TAOK1: variants seen among roughly 807,000 people sequenced by gnomAD.
TAOK1 encodes the protein serine/threonine-protein kinase TAO1.
TAOK1 carries 21 observed loss-of-function variants against 138.3 expected under a neutral mutation model. That is an observed-to-expected ratio of 0.15 (90% confidence interval 0.11 to 0.22). TAOK1 has a LOEUF of 0.22. Among genes scored for constraint, TAOK1 ranks in the 10% least tolerant of loss-of-function variants. The probability of loss-of-function intolerance (pLI) is 1.00; values close to 1 mark genes in which losing one functional copy is unlikely to be tolerated. For synonymous variants in TAOK1, 361 were observed against 398.4 expected, an observed-to-expected ratio of 0.91 and a Z score of 1.12; for missense variants, 651 against 1,227.7, an observed-to-expected ratio of 0.53 and a Z score of 7.02.
intron 16 of TAOK1, 76 bp downstream of exon 16, chr17:29,517,732 G>A: frequency 2.8e-6 from 4 of 1,409,500 alleles, no homozygotes; most frequent in East Asian, 2.3e-5. Context: ...TTCCATTCTA[G>A]TCTCAGGGAC....
At chr17:29,478,230 T>A in intron 5 of TAOK1, 21 bp from the exon 6 acceptor site, 1 of 1,560,830 alleles carries the variant, frequency 6.4e-7, no homozygotes, top group Non-Finnish European at 8.7e-7. Flanking sequence ...GTGTATTAAT[T>A]ATTTTGAAAT....
chr17:29,536,245 G>A (rs893402518), intron 19 of TAOK1, among the ~76,000 whole-genome samples: 1 of 151,688 alleles, frequency 6.6e-6, no homozygotes, highest in African/African-American at 2.4e-5. Flanking sequence ...GTTGCAGTGA[G>A]CCGAGATGGC....
chr17:29,393,341 C>G (rs887936556), intron 1 of TAOK1, among the ~76,000 whole-genome samples: 5 of 151,884 alleles, frequency 3.3e-5, no homozygotes, highest in Non-Finnish European at 5.9e-5. Context: ...TAACTATTTA[C>G]TTGCTATATT....
chr17:29,453,396 C>T (rs1033254755), intron 2 of TAOK1, among the ~76,000 whole-genome samples: 3 of 151,870 alleles, frequency 2.0e-5, no homozygotes, highest in Admixed American at 6.6e-5. Flanking sequence ...CCTATAGGCA[C>T]GTGCTACTAA....
chr17:29,458,490 TTTTTGTTTTG>T (rs1011573180), intron 2 of TAOK1, among the ~76,000 whole-genome samples: 4 of 152,146 alleles, frequency 2.6e-5, no homozygotes, highest in African/African-American at 7.2e-5. Context: ...AATATGGTTT[TTTTTGTTTTG>T]TTTTGTTTTT....
At chr17:29,462,369 A>G (rs986236484) in intron 2 of TAOK1, among the ~76,000 whole-genome samples, 2 of 152,222 alleles carry the variant, frequency 1.3e-5, no homozygotes, top group African/African-American at 2.4e-5. Context: ...AACACCTTAA[A>G]TAGAACCAAT....
At position 29,539,106 on chromosome 17, in the gene TAOK1, A is replaced by G. The variant is rs745601808; in HGVS notation, c.2545-3455A>G. ...AACCCCGTCTCTACAAAAAAAAAAT[A>G]CAAAAATTAGTTGGATATAGTGGTG... On this transcript the variant is annotated intron_variant, in intron 19 of 19. Transcript: ENST00000261716. Among the ~76,000 whole-genome samples, 153 of 152,070 alleles carry G rather than the reference A, an allele frequency of 1.0e-3. 1 individual carries two copies. Among genetic ancestry groups the G allele is most frequent in the Non-Finnish European group, 1.4e-3 (93 of 68,026 alleles).
At chr17:29,461,999 G>GT (rs2030542122) in intron 2 of TAOK1, among the ~76,000 whole-genome samples, 1 of 152,062 alleles carries the variant, frequency 6.6e-6, no homozygotes, top group Non-Finnish European at 1.5e-5. Context: ...ATATTTTGTG[G>GT]TATCAGAGAA....
intron 1 of TAOK1, among the ~76,000 whole-genome samples, chr17:29,417,762 C>T (rs377012691): frequency 2.0e-4 from 31 of 152,188 alleles, no homozygotes; most frequent in Admixed American, 5.2e-4. Flanking sequence ...TGGCACCTGC[C>T]GCCCTTTCCC....
At chr17:29,455,058 A>G (rs1488566345) in intron 2 of TAOK1, among the ~76,000 whole-genome samples, 2 of 151,804 alleles carry the variant, frequency 1.3e-5, no homozygotes, top group Non-Finnish European at 2.9e-5. Flanking sequence ...TTACAGGTAC[A>G]CACCACCACA....
chr17:29,505,269 C>T (rs2153028988), intron 13 of TAOK1, among the ~76,000 whole-genome samples: 1 of 152,112 alleles, frequency 6.6e-6, no homozygotes, highest in African/African-American at 2.4e-5. Context: ...CTTAGGTATT[C>T]AATTTGAAGA....
rs1470718895 is a variant in TAOK1 at position 29,550,799 on chromosome 17, C to T, written c.*7777C>T. On this transcript the variant is annotated 3_prime_UTR_variant, in exon 20 of 20. Transcript: ENST00000261716. ...CCTCAAACAGCATGATTTTTTTGCA[C>T]ATGTAGAAATTTTTTAAAAGAAAGA... 2 of 152,384 alleles carry T rather than the reference C, an allele frequency of 1.3e-5. No individual in the cohort carries two copies. Among genetic ancestry groups the T allele is most frequent in the East Asian group, 1.9e-4 (1 of 5,196 alleles). The allele number at this position is 152,384 out of a possible 1,614,324, so 9.4% of individuals were successfully genotyped here.
chr17:29,463,426 C>G (rs1281151864), intron 2 of TAOK1, among the ~76,000 whole-genome samples: 1 of 152,024 alleles, frequency 6.6e-6, no homozygotes, highest in Non-Finnish European at 1.5e-5. Flanking sequence ...AAAAAATTAG[C>G]CGGGCATGGT....
At chr17:29,407,113 C>G (rs1233768942) in intron 1 of TAOK1, among the ~76,000 whole-genome samples, 1 of 152,056 alleles carries the variant, frequency 6.6e-6, no homozygotes, top group Non-Finnish European at 1.5e-5. Flanking sequence ...CTCCTGGGCT[C>G]AAGTGATCTT....
intron 1 of TAOK1, among the ~76,000 whole-genome samples, chr17:29,447,614 C>T (rs1027731381): frequency 6.6e-6 from 1 of 152,054 alleles, no homozygotes; most frequent in African/African-American, 2.4e-5. Context: ...GTTGGGATTA[C>T]AGGTGCAAGC....
chr17:29,402,089 T>C (rs1286930025), intron 1 of TAOK1, among the ~76,000 whole-genome samples: 7 of 152,194 alleles, frequency 4.6e-5, no homozygotes, highest in African/African-American at 1.4e-4. Context: ...TATTTAGTCG[T>C]TATATTGGGT....
chr17:29,534,928 G>GGTGTGTGT lies in TAOK1; in HGVS notation c.2544+657_2544+664dup, dbSNP rs71138832. Reference sequence around the variant, plus strand: ...AAATTTCCATCCTTCAGGATACTAAGGTGTGTGTGTGTGTGTGTGTGTGTG... The same window carrying GGTGTGTGT: ...AAATTTCCATCCTTCAGGATACTAAGGTGTGTGTGTGTGTGTGTGTGTGTGTGTGTGTG... On this transcript the variant is annotated intron_variant, in intron 19 of 19. Coordinates refer to ENST00000261716, the MANE Select transcript of TAOK1 (RefSeq NM_020791.4). 8.0e-3 allele frequency among the ~76,000 whole-genome samples: 1,172 copies of GGTGTGTGT among 147,314 alleles called. 19 individuals carry two copies. Among genetic ancestry groups the GGTGTGTGT allele is most frequent in the African/African-American group, 0.027 (1,062 of 39,798 alleles).
intron 1 of TAOK1, among the ~76,000 whole-genome samples, chr17:29,396,451 T>C (rs566323657): frequency 2.1e-4 from 32 of 152,370 alleles, no homozygotes; most frequent in South Asian, 4.1e-4. Flanking sequence ...GTGACCGTTA[T>C]GCTGTAGGTT....
At chr17:29,427,423 T>C (rs1905675202) in intron 1 of TAOK1, among the ~76,000 whole-genome samples, 1 of 151,172 alleles carries the variant, frequency 6.6e-6, no homozygotes, top group African/African-American at 2.4e-5. Context: ...GGTGAAACCC[T>C]GTCTTTACCA....
Sources: allele counts gnomAD v4.1 joint callset (sites outside exome capture counted in the v4.1 genomes callset), GRCh38; gene constraint gnomAD v4.1.1; transcripts MANE v1.5; gene names NCBI Gene and HGNC (gene_info 2026-07-23, HGNC 2026-07-21).